TAF3: variants seen among roughly 807,000 people sequenced by gnomAD.
TAF3 encodes the protein TATA-box binding protein associated factor 3, also known as transcription initiation factor TFIID subunit 3.
TAF3 carries 7 observed loss-of-function variants against 80.6 expected under a neutral mutation model. That is an observed-to-expected ratio of 0.09 (90% CI 0.05 to 0.16). The LOEUF is 0.16. TAF3 is among the 10% of genes least tolerant of loss of function. The pLI, the probability that TAF3 is intolerant of heterozygous loss-of-function variation, is 1.00. For synonymous variants in TAF3, 444 were observed against 446.1 expected (o/e 1.00, Z 0.06); for missense variants, 921 against 1,140.2 (o/e 0.81, Z 2.77).
chr10:7,921,778 T>C (rs1240422371), intron 2 of TAF3, among the ~76,000 whole-genome samples: 1 of 151,022 alleles, frequency 6.6e-6, no homozygotes, highest in Non-Finnish European at 1.5e-5. Flanking sequence ...TTATTGTTAG[T>C]TGAATATTGT....
At chr10:7,821,306 C>A (rs1836688256) in intron 1 of TAF3, among the ~76,000 whole-genome samples, 1 of 152,210 alleles carries the variant, frequency 6.6e-6, no homozygotes, top group South Asian at 2.1e-4. Context: ...AAATCAAATT[C>A]TGTAGCTCCA....
chr10:7,946,816 A>G (rs1309296470), intron 2 of TAF3, among the ~76,000 whole-genome samples: 1 of 152,220 alleles, frequency 6.6e-6, no homozygotes, highest in Non-Finnish European at 1.5e-5. Context: ...ATTTCAAAGC[A>G]TGTATCACAA....
chr10:8,012,935 G>A (rs1832068752), intron 5 of TAF3, among the ~76,000 whole-genome samples: 1 of 152,154 alleles, frequency 6.6e-6, no homozygotes, highest in Non-Finnish European at 1.5e-5. Context: ...CTTATTGCTG[G>A]TGTTGAATGC....
intron 2 of TAF3, among the ~76,000 whole-genome samples, chr10:7,892,807 C>CT (rs1451618160): frequency 4.0e-5 from 6 of 148,742 alleles, no homozygotes; most frequent in African/African-American, 1.2e-4. Flanking sequence ...AATATATTTT[C>CT]TTTTCTTTTT....
intron 4 of TAF3, among the ~76,000 whole-genome samples, chr10:8,008,052 A>T (rs1832013935): frequency 6.9e-6 from 1 of 145,856 alleles, no homozygotes; most frequent in Non-Finnish European, 1.5e-5. Flanking sequence ...CTGCCGCTGC[A>T]TTACCTCCTC....
chr10:7,965,665 AAGG>A lies in TAF3; in HGVS notation c.2158_2160del (p.Glu720del). 2 of 1,592,738 alleles carry A rather than the reference AAGG, an allele frequency of 1.3e-6. No homozygotes were observed. The highest frequency in any genetic ancestry group is 1.7e-6 in the Non-Finnish European group (2 of 1,173,664). Reference sequence around the variant, plus strand: ...AAAGAAGGAAAAAGAGAAGGAGAAGAAGGAGAAGGAAAGAGAGAAAGAGAAGAG... The same window carrying A: ...AAAGAAGGAAAAAGAGAAGGAGAAGAAGAAGGAAAGAGAGAAAGAGAAGAG... On this transcript the variant is annotated inframe_deletion, in exon 3 of 7. Coordinates refer to ENST00000344293, the MANE Select transcript of TAF3 (RefSeq NM_031923.4).
intron 2 of TAF3, among the ~76,000 whole-genome samples, chr10:7,889,069 A>G (rs1837436157): frequency 6.6e-6 from 1 of 152,180 alleles, no homozygotes; most frequent in Non-Finnish European, 1.5e-5. Context: ...TCCCAGTTCG[A>G]ATCCACACTT....
intron 2 of TAF3, among the ~76,000 whole-genome samples, chr10:7,841,179 T>A (rs539678948): frequency 3.3e-5 from 5 of 152,222 alleles, no homozygotes; most frequent in Admixed American, 6.5e-5. Context: ...GATAAAATAA[T>A]AGCAAGTTAT....
At chr10:7,844,225 A>G (rs1836946751) in intron 2 of TAF3, among the ~76,000 whole-genome samples, 1 of 152,070 alleles carries the variant, frequency 6.6e-6, no homozygotes. Flanking sequence ...TAGATTTTCT[A>G]TTCAGAAATT....
At chr10:7,977,427 C>A in intron 4 of TAF3, 104 bp downstream of exon 4, 1 of 1,009,160 alleles carries the variant, frequency 9.9e-7, no homozygotes. Context: ...AGGTATGAAC[C>A]TGTAGGGTCA....
At chr10:7,877,290 C>T (rs555135750) in intron 2 of TAF3, among the ~76,000 whole-genome samples, 14 of 152,244 alleles carry the variant, frequency 9.2e-5, no homozygotes, top group Non-Finnish European at 1.5e-4. Flanking sequence ...TCATTAAGGA[C>T]TGAGGTGGCA....
chr10:7,877,890 A>G (rs569620260), intron 2 of TAF3, among the ~76,000 whole-genome samples: 1 of 152,158 alleles, frequency 6.6e-6, no homozygotes, highest in Non-Finnish European at 1.5e-5. Context: ...TTGAGAAGGG[A>G]CTAGTTAATT....
At chr10:7,979,343 C>CA (rs1831702600) in intron 4 of TAF3, among the ~76,000 whole-genome samples, 1 of 98,524 alleles carries the variant, frequency 1.0e-5, no homozygotes. Context: ...GTCTCTGTCT[C>CA]AAAAAATGAA....
At chr10:7,852,909 C>A (rs1487924781) in intron 2 of TAF3, among the ~76,000 whole-genome samples, 1 of 152,198 alleles carries the variant, frequency 6.6e-6, no homozygotes, top group African/African-American at 2.4e-5. Context: ...GAATTTGTTT[C>A]CTACCTTCTT....
chr10:7,874,695 T>C (rs997537325), intron 2 of TAF3, among the ~76,000 whole-genome samples: 4 of 144,034 alleles, frequency 2.8e-5, no homozygotes, highest in Non-Finnish European at 6.2e-5. Context: ...TGTTTTGTCT[T>C]AGTTTTTTTT....
rs555102665 is a variant in TAF3, at chr10:7,836,559, C to T, written c.409+11999C>T. Reference sequence around the variant, plus strand: ...AAAGTGCTGGGATTACAGGCGTGAGCCACTGCACCCGGCCCATTTCCACAT... The same window carrying T: ...AAAGTGCTGGGATTACAGGCGTGAGTCACTGCACCCGGCCCATTTCCACAT... On this transcript the variant is annotated intron_variant, in intron 2 of 6. Transcript: ENST00000344293. 3.3e-5 allele frequency among the ~76,000 whole-genome samples: 5 copies of T among 152,262 alleles called. No homozygotes were observed. The South Asian group carries it at 1.0e-3, about 32-fold the overall frequency.
chr10:7,942,337 CT>C (rs1837983987), intron 2 of TAF3, among the ~76,000 whole-genome samples: 1 of 152,150 alleles, frequency 6.6e-6, no homozygotes, highest in Admixed American at 6.5e-5. Flanking sequence ...AAGCCATCTG[CT>C]TTAATTAAAT....
chr10:7,841,889 A>G (rs989871821), intron 2 of TAF3, among the ~76,000 whole-genome samples: 6 of 152,126 alleles, frequency 3.9e-5, no homozygotes, highest in Non-Finnish European at 8.8e-5. Flanking sequence ...TTTTTTTTAA[A>G]TAATCAGGTA....
intron 2 of TAF3, among the ~76,000 whole-genome samples, chr10:7,885,656 C>T (rs1053480062): frequency 1.3e-5 from 2 of 152,182 alleles, no homozygotes; most frequent in African/African-American, 4.8e-5. Flanking sequence ...AATTCAAATG[C>T]TTCTTTCTGT....
Sources: gnomAD v4.1 joint callset for allele counts (sites outside exome capture counted in the v4.1 genomes callset) on GRCh38, gnomAD v4.1.1 for gene constraint, MANE v1.5 for transcripts, NCBI Gene and HGNC (gene_info 2026-07-23, HGNC 2026-07-21) for gene names.